The following IQGAP2 variants were observed in gnomAD, a reference collection of about 807,000 sequenced individuals.
The protein encoded by IQGAP2 is IQ motif containing GTPase activating protein 2, also known as ras GTPase-activating-like protein IQGAP2.
A neutral mutation model predicts 201.3 loss-of-function variants in IQGAP2; 173 were observed. That is an observed-to-expected ratio of 0.86 (90% CI 0.76 to 0.98). The LOEUF (loss-of-function observed/expected upper bound fraction) is 0.98, where lower values mean the gene tolerates loss of function less well. Ranked by LOEUF, IQGAP2 falls within the 50% of genes least tolerant of loss-of-function variation. IQGAP2 has a pLI of 0.00. For missense variants in IQGAP2, 1,687 were observed against 1,864.8 expected, an observed-to-expected ratio of 0.90 and a Z score of 1.76; for synonymous variants, 675 against 673.9, an observed-to-expected ratio of 1.00 and a Z score of -0.03.
chr5:76,569,563 C>T (rs1744974169), intron 3 of IQGAP2, among the ~76,000 whole-genome samples: 1 of 152,054 alleles, frequency 6.6e-6, no homozygotes, highest in Admixed American at 6.6e-5. Context: ...AAACATTTGT[C>T]AAATGTTAAT....
At chr5:76,516,327 A>G (rs6895750) in intron 2 of IQGAP2, among the ~76,000 whole-genome samples, 3,048 of 152,318 alleles carry the variant, frequency 0.02, 110 homozygotes, top group African/African-American at 0.068. Flanking sequence ...AGTATGTTTT[A>G]CTGTTTTGAG....
chr5:76,675,861 CACTG>C (rs1744764059), intron 27 of IQGAP2, among the ~76,000 whole-genome samples: 1 of 151,204 alleles, frequency 6.6e-6, no homozygotes, highest in Non-Finnish European at 1.5e-5. Context: ...TCATTCTCCT[CACTG>C]ACTAACAAAG....
At chr5:76,623,244 G>C (rs1182583267) in intron 13 of IQGAP2, 1 of 1,614,010 alleles carries the variant, frequency 6.2e-7, no homozygotes, top group South Asian at 1.1e-5. Flanking sequence ...GATGACCTGA[G>C]TCCCGTCTCT....
At chr5:76,490,212 T>C (rs773264543) in intron 2 of IQGAP2, among the ~76,000 whole-genome samples, 74 of 152,218 alleles carry the variant, frequency 4.9e-4, no homozygotes, top group Non-Finnish European at 1.5e-4. Flanking sequence ...GTATCTCTTT[T>C]TTTAGTATGC....
intron 1 of IQGAP2, among the ~76,000 whole-genome samples, chr5:76,435,930 GTTTT>G (rs1438759455): frequency 2.0e-5 from 3 of 147,658 alleles, no homozygotes; most frequent in Non-Finnish European, 4.4e-5. Context: ...TTGGGTTTGG[GTTTT>G]TGTTTGTTTG....
At chr5:76,438,310 C>T (rs1752834649) in intron 1 of IQGAP2, among the ~76,000 whole-genome samples, 1 of 152,052 alleles carries the variant, frequency 6.6e-6, no homozygotes, top group South Asian at 2.1e-4. Context: ...CTGATTCAAG[C>T]TAGGAAGGTT....
chr5:76,501,032 T>G (rs1757245304), intron 2 of IQGAP2, among the ~76,000 whole-genome samples: 1 of 152,206 alleles, frequency 6.6e-6, no homozygotes, highest in African/African-American at 2.4e-5. Flanking sequence ...GGCTGTATGT[T>G]GGAGGCACCG....
chr5:76,526,320 C>A (rs1332844792), intron 2 of IQGAP2, among the ~76,000 whole-genome samples: 2 of 152,196 alleles, frequency 1.3e-5, no homozygotes, highest in African/African-American at 4.8e-5. Flanking sequence ...TAAAATGACA[C>A]TTGCTACACT....
At chr5:76,686,698 A>G (rs770875023) in intron 30 of IQGAP2, among the ~76,000 whole-genome samples, 1 of 151,836 alleles carries the variant, frequency 6.6e-6, no homozygotes, top group Middle Eastern at 3.4e-3. Flanking sequence ...TTTAGTAGAG[A>G]CGGAGTTTCA....
At chr5:76,620,417 C>G (rs978903228) in intron 13 of IQGAP2, among the ~76,000 whole-genome samples, 2 of 152,004 alleles carry the variant, frequency 1.3e-5, no homozygotes, top group African/African-American at 4.8e-5. Context: ...GCAATAATGA[C>G]TCAGGTTTCT....
chr5:76,418,694 G>C (rs923521559), intron 1 of IQGAP2, among the ~76,000 whole-genome samples: 1 of 152,102 alleles, frequency 6.6e-6, no homozygotes, highest in Admixed American at 6.6e-5. Flanking sequence ...ACTACTCTGC[G>C]AGGGAGGGGA....
chr5:76,514,666 G>C (rs929562007), intron 2 of IQGAP2, among the ~76,000 whole-genome samples: 1 of 152,208 alleles, frequency 6.6e-6, no homozygotes, highest in East Asian at 1.9e-4. Flanking sequence ...ATTGAAATCA[G>C]AAGTGACCTC....
intron 2 of IQGAP2, among the ~76,000 whole-genome samples, chr5:76,549,544 A>C (rs1743308677): frequency 6.6e-6 from 1 of 152,250 alleles, no homozygotes; most frequent in African/African-American, 2.4e-5. Context: ...CTAGTGTATT[A>C]GTTTGTTCAG....
At chr5:76,545,913 C>T (rs188445175) in intron 2 of IQGAP2, among the ~76,000 whole-genome samples, 84 of 152,314 alleles carry the variant, frequency 5.5e-4, no homozygotes, top group African/African-American at 1.5e-3. Flanking sequence ...GTTATTACTT[C>T]ACACTCTCTC....
At chr5:76,650,225 C>G (rs1252410591) in intron 17 of IQGAP2, among the ~76,000 whole-genome samples, 2 of 152,184 alleles carry the variant, frequency 1.3e-5, no homozygotes, top group African/African-American at 4.8e-5. Flanking sequence ...GCCATCATGT[C>G]CAGTTCACAT....
intron 21 of IQGAP2, among the ~76,000 whole-genome samples, chr5:76,664,726 A>G (rs1743585611): frequency 6.6e-6 from 1 of 152,198 alleles, no homozygotes; most frequent in Non-Finnish European, 1.5e-5. Context: ...CGTAATAGAT[A>G]GTATAATAAT....
At chr5:76,427,061 A>C (rs1752051678) in intron 1 of IQGAP2, among the ~76,000 whole-genome samples, 1 of 152,274 alleles carries the variant, frequency 6.6e-6, no homozygotes, top group Middle Eastern at 3.4e-3. Flanking sequence ...AGGGTTTCTC[A>C]GCCTCAGCAC....
chr5:76,452,169 T>C (rs1233122536), intron 1 of IQGAP2, among the ~76,000 whole-genome samples: 1 of 149,358 alleles, frequency 6.7e-6, no homozygotes. Context: ...CCTCAGGTGA[T>C]CTACCCGAGT....
intron 1 of IQGAP2, among the ~76,000 whole-genome samples, chr5:76,412,926 A>C (rs1378222588): frequency 6.6e-6 from 1 of 152,150 alleles, no homozygotes; most frequent in African/African-American, 2.4e-5. Flanking sequence ...AAATGATTTA[A>C]TAGATGGAAA....
Sources: gnomAD v4.1 joint callset for allele counts (sites outside exome capture counted in the v4.1 genomes callset) on GRCh38, gnomAD v4.1.1 for gene constraint, MANE v1.5 for transcripts, NCBI Gene and HGNC (gene_info 2026-07-23, HGNC 2026-07-21) for gene names.